Variants in CBL observed in about 807,000 individuals in gnomAD.
CBL encodes the protein Cbl proto-oncogene, also known as E3 ubiquitin-protein ligase CBL.
In CBL, 45 loss-of-function variants were observed where a neutral mutation model predicts 96.9. The ratio of observed to expected loss-of-function variants is 0.46; its 90% CI spans 0.37 to 0.60. The LOEUF (loss-of-function observed/expected upper bound fraction) is 0.60. Among genes scored for constraint, CBL ranks in the 20% least tolerant of loss-of-function variants. The pLI, the probability that CBL is intolerant of heterozygous loss-of-function variation, is 0.00. For synonymous variants in CBL, 420 were observed against 426.8 expected (o/e 0.98, Z 0.20); for missense variants, 1,024 against 1,143.5 (o/e 0.90, Z 1.51).
chr11:119,263,619 A>G (rs1467715197), intron 2 of CBL, among the ~76,000 whole-genome samples: 1 of 152,228 alleles, frequency 6.6e-6, no homozygotes, highest in Non-Finnish European at 1.5e-5. Context: ...GTATTGGCTG[A>G]GAACTCCTTT....
intron 1 of CBL, among the ~76,000 whole-genome samples, chr11:119,232,076 G>A (rs189841060): frequency 3.0e-4 from 46 of 152,188 alleles, no homozygotes; most frequent in Middle Eastern, 3.4e-3. Context: ...CACTCCAACC[G>A]TGAGACCCTA....
At chr11:119,208,233 A>G (rs922304251) in intron 1 of CBL, among the ~76,000 whole-genome samples, 1 of 152,192 alleles carries the variant, frequency 6.6e-6, no homozygotes, top group African/African-American at 2.4e-5. Context: ...TTAGGGATTT[A>G]TCGTTAAGGA....
At chr11:119,267,826 A>G (rs951150890) in intron 2 of CBL, among the ~76,000 whole-genome samples, 7 of 152,248 alleles carry the variant, frequency 4.6e-5, no homozygotes, top group African/African-American at 1.7e-4. Flanking sequence ...AGTCAGAAAT[A>G]GATTTAGCCA....
chr11:119,282,804 C>T (rs909272664), intron 9 of CBL, among the ~76,000 whole-genome samples: 4 of 152,110 alleles, frequency 2.6e-5, no homozygotes, highest in African/African-American at 7.2e-5. Flanking sequence ...AAATCACGGC[C>T]ACCCGCGGTG....
intron 1 of CBL, among the ~76,000 whole-genome samples, chr11:119,223,184 CT>C (rs1167302746): frequency 0.013 from 852 of 67,176 alleles, 20 homozygotes; most frequent in South Asian, 0.072. Context: ...CACACCCTTC[CT>C]TTTTTTTTTT....
At chr11:119,226,678 G>T (rs1268683527) in intron 1 of CBL, among the ~76,000 whole-genome samples, 1 of 151,874 alleles carries the variant, frequency 6.6e-6, no homozygotes, top group Non-Finnish European at 1.5e-5. Context: ...GGCTGGTCTT[G>T]AACTCCTGAC....
Position 119,283,300 on chromosome 11 carries a change from A to T in CBL, c.1432-1669A>T, listed in dbSNP as rs528271477. Among the ~76,000 whole-genome samples, 3 of 152,332 alleles carry T rather than the reference A, an allele frequency of 2.0e-5. No individual in the cohort carries two copies. In the East Asian group the frequency reaches 5.8e-4, roughly 29 times the overall value. On this transcript the variant is annotated intron_variant, in intron 9 of 15. Transcript: ENST00000264033. ...ATTGTCAGCTAATTGGGAACCCGTT[A>T]TCTTAAGCATGTGGATAAAGCAAAG...
intron 12 of CBL, among the ~76,000 whole-genome samples, chr11:119,295,341 C>G (rs1412281358): frequency 6.6e-6 from 1 of 152,064 alleles, no homozygotes; most frequent in East Asian, 1.9e-4. Context: ...AGAAACGTAT[C>G]AATTCCTTAT....
intron 2 of CBL, among the ~76,000 whole-genome samples, chr11:119,238,686 C>T (rs1949563468): frequency 6.6e-6 from 1 of 152,042 alleles, no homozygotes; most frequent in Admixed American, 6.5e-5. Flanking sequence ...AAAAAATTAG[C>T]CAGGTGTGCT....
At chr11:119,244,450 C>T (rs1949609471) in intron 2 of CBL, among the ~76,000 whole-genome samples, 1 of 151,012 alleles carries the variant, frequency 6.6e-6, no homozygotes, top group African/African-American at 2.4e-5. Context: ...TAAGGTCTCA[C>T]TCTGCCGTGC....
At chr11:119,245,992 AGGAGATGGAATCTCTC>A (rs1949626944) in intron 2 of CBL, among the ~76,000 whole-genome samples, 2 of 32,572 alleles carry the variant, frequency 6.1e-5, no homozygotes, top group Non-Finnish European at 1.3e-4. Context: ...TTTTTTTTTG[AGGAGATGGAATCTCTC>A]TTTGTCACCA....
chr11:119,299,956 G>C lies in CBL; in HGVS notation c.*175G>C, dbSNP rs1318547256. ...AAAGTGGTGAAATGAAAATGGAGCA[G>C]CTAGTATGTTTTATTATTTTATGGG... On this transcript the variant is annotated 3_prime_UTR_variant, in exon 16 of 16. Coordinates refer to ENST00000264033, the MANE Select transcript of CBL (RefSeq NM_005188.4). 7.0e-6 allele frequency: 5 copies of C among 713,010 alleles called. No homozygotes were observed. The highest frequency in any genetic ancestry group is 1.2e-5 in the Non-Finnish European group (5 of 405,436). 44.2% of individuals were successfully genotyped at this position (713,010 alleles called of 1,614,324 possible).
intron 1 of CBL, among the ~76,000 whole-genome samples, chr11:119,227,104 G>A (rs1030087052): frequency 7.9e-5 from 12 of 152,148 alleles, no homozygotes; most frequent in African/African-American, 2.7e-4. Flanking sequence ...TGGAAACTGC[G>A]CTTTGAATAT....
intron 9 of CBL, among the ~76,000 whole-genome samples, chr11:119,283,621 C>CTTTT (rs1410071154): frequency 2.7e-5 from 1 of 36,496 alleles, no homozygotes; most frequent in Non-Finnish European, 6.1e-5. Flanking sequence ...CTTTTTAATT[C>CTTTT]TTTCTTTTTT....
At chr11:119,240,489 A>G (rs1050637921) in intron 2 of CBL, among the ~76,000 whole-genome samples, 5 of 152,098 alleles carry the variant, frequency 3.3e-5, no homozygotes, top group African/African-American at 1.2e-4. Flanking sequence ...TTTGGTCTCT[A>G]TTACACCCAA....
At chr11:119,211,368 G>C (rs193272085) in intron 1 of CBL, among the ~76,000 whole-genome samples, 215 of 152,006 alleles carry the variant, frequency 1.4e-3, no homozygotes, top group African/African-American at 5.1e-3. Context: ...GTGAAACTCT[G>C]TTTCAAAAAC....
intron 4 of CBL, among the ~76,000 whole-genome samples, chr11:119,274,397 G>A (rs1565871076): frequency 6.6e-6 from 1 of 152,098 alleles, no homozygotes; most frequent in South Asian, 2.1e-4. Context: ...TATTGAAATT[G>A]ACTGTTAATA....
At chr11:119,292,353 G>A (rs1002026380) in intron 12 of CBL, among the ~76,000 whole-genome samples, 1 of 150,576 alleles carries the variant, frequency 6.6e-6, no homozygotes, top group Non-Finnish European at 1.5e-5. Flanking sequence ...CTATGTCTCC[G>A]AGAGCTCTTA....
chr11:119,287,988 C>A (rs1310717442), intron 12 of CBL, 42 bp downstream of exon 12: 2 of 1,378,400 alleles, frequency 1.5e-6, no homozygotes, highest in Non-Finnish European at 2.1e-6. Flanking sequence ...GGAGTTGTTA[C>A]TTGTAAAAAG....
Sources: allele counts gnomAD v4.1 joint callset (sites outside exome capture counted in the v4.1 genomes callset), GRCh38; gene constraint gnomAD v4.1.1; transcripts MANE v1.5; gene names NCBI Gene and HGNC (gene_info 2026-07-23, HGNC 2026-07-21).